The following ANKRD13B variants were observed in gnomAD, a reference collection of about 807,000 sequenced individuals.
The protein encoded by ANKRD13B is ankyrin repeat domain-containing protein 13B.
A neutral mutation model predicts 74.4 loss-of-function variants in ANKRD13B; 33 were observed. That is an observed-to-expected ratio of 0.44 (90% CI 0.34 to 0.59). The LOEUF is 0.59. Among genes scored for constraint, ANKRD13B ranks in the 20% least tolerant of loss-of-function variants. ANKRD13B has a pLI of 0.02. For synonymous variants in ANKRD13B, 341 were observed against 362.9 expected, an observed-to-expected ratio of 0.94 and a Z score of 0.68; for missense variants, 676 against 877.9, an observed-to-expected ratio of 0.77 and a Z score of 2.91.
At chr17:29,597,979 AGCTGCAGCGGCTGCG>A (rs894475577) in intron 1 of ANKRD13B, among the ~76,000 whole-genome samples, 9 of 151,938 alleles carry the variant, frequency 5.9e-5, no homozygotes, top group Non-Finnish European at 7.4e-5. Flanking sequence ...GGGTCTTATT[AGCTGCAGCGGCTGCG>A]GCTGCAGCAT....
At position 29,612,309 on chromosome 17, in the gene ANKRD13B, C is replaced by T. The variant is rs1004958523; in HGVS notation, c.1258+36C>T. 14 of 1,612,136 alleles carry T rather than the reference C, an allele frequency of 8.7e-6. No individual in the cohort carries two copies. Among genetic ancestry groups the T allele is most frequent in the Non-Finnish European group, 1.1e-5 (13 of 1,178,718 alleles). The stretch of plus-strand genomic sequence containing the variant: ...ACGGCCATTTCTCCTGAGCCCGTGG[C>T]GGGCCGACCGGGGTTTAGATGAGGT... On this transcript the variant is annotated intron_variant, in intron 11 of 14. Coordinates refer to ENST00000394859, the MANE Select transcript of ANKRD13B (RefSeq NM_152345.5). The surrounding 1 kb of genome is among the most constrained non-coding windows in gnomAD (Gnocchi z 6.1).
Position 29,608,768 on chromosome 17 carries a change from G to T in ANKRD13B, c.422-83G>T. 6.4e-7 allele frequency: 1 copy of T among 1,560,674 alleles called. No homozygotes were observed. On this transcript the variant is annotated intron_variant, in intron 4 of 14. Coordinates refer to ENST00000394859, the MANE Select transcript of ANKRD13B (RefSeq NM_152345.5). The surrounding 1 kb of genome is among the most constrained non-coding windows in gnomAD (Gnocchi z 6.4). ...TCCCTCCCCTGTTCCTGGCCACACG[G>T]ATCCCAAACCCCATGCCCTGAGCTG...
At position 29,612,741 on chromosome 17, in the gene ANKRD13B, C is replaced by G; in HGVS notation, c.1501C>G (p.Arg501Gly). The part of the protein sequence containing the change: ...MMGGQREAAT[R>G]DDDDDLLQFA... ...GGGCGGCCAGCGGGAGGCGGCGACCCGGGACGACGACGACGACCTGCTGCA... is the reference window on the plus strand; with the variant it reads ...GGGCGGCCAGCGGGAGGCGGCGACCGGGGACGACGACGACGACCTGCTGCA... Residue 501 changes from arginine to glycine, a missense_variant, in exon 13 of 15, where the codon CGG (arginine) becomes GGG (glycine). This residue lies in a region of ANKRD13B where 152 missense variants were observed against 181.4 expected (regional missense o/e 0.84). Coordinates refer to ENST00000394859, the MANE Select transcript of ANKRD13B (RefSeq NM_152345.5). The surrounding 1 kb of genome is among the most constrained non-coding windows in gnomAD (Gnocchi z 6.1). 6.2e-7 allele frequency: 1 copy of G among 1,601,832 alleles called. No individual in the cohort carries two copies. Among genetic ancestry groups the G allele is most frequent in the Non-Finnish European group, 8.5e-7 (1 of 1,178,764 alleles).
chr17:29,612,752 C>G lies in ANKRD13B; in HGVS notation c.1512C>G (p.Asp504Glu). The part of the protein sequence containing the change: ...GQREAATRDD[D>E]DDLLQFAIQQ... Reference sequence around the variant, plus strand: ...GGGAGGCGGCGACCCGGGACGACGACGACGACCTGCTGCAATTCGCCATCC... The same window carrying G: ...GGGAGGCGGCGACCCGGGACGACGAGGACGACCTGCTGCAATTCGCCATCC... The change falls in exon 13 of 15, where the codon GAC (aspartate) becomes GAG (glutamate). Residue 504 changes from aspartate (D) to glutamate (E), a missense_variant. Around this residue, in one of 4 missense-constraint regions of ANKRD13B, gnomAD observed 152 missense variants for 181.4 expected, o/e 0.84. Transcript: ENST00000394859. The surrounding 1 kb of genome is among the most constrained non-coding windows in gnomAD (Gnocchi z 6.1). 1 of 1,602,452 alleles carries G rather than the reference C, an allele frequency of 6.2e-7. No individual in the cohort carries two copies. The highest frequency in any genetic ancestry group is 8.5e-7 in the Non-Finnish European group (1 of 1,178,914).
chr17:29,600,387 C>T (rs979452284), intron 1 of ANKRD13B, among the ~76,000 whole-genome samples: 5 of 152,254 alleles, frequency 3.3e-5, no homozygotes, highest in Non-Finnish European at 7.4e-5. Flanking sequence ...GGGACAACTT[C>T]CTACTCGGGT....
chr17:29,599,865 GTTTTTT>G (rs35600194), intron 1 of ANKRD13B, among the ~76,000 whole-genome samples: 5 of 50,768 alleles, frequency 9.8e-5, no homozygotes, highest in African/African-American at 2.9e-4. Flanking sequence ...CATCTAATTT[GTTTTTT>G]TTTTTTTTTT....
chr17:29,608,605 A>C lies in ANKRD13B; in HGVS notation c.422-246A>C. On this transcript the variant is annotated intron_variant, in intron 4 of 14. Transcript: ENST00000394859. This position sits in a 1 kb window ranked among gnomAD's most constrained non-coding sequence, Gnocchi z 6.4. Reference sequence around the variant, plus strand: ...GAATGGATGAAAGAGTGAGTGAGTGAATTAACAAATGATGGACACTAGGGA... The same window carrying C: ...GAATGGATGAAAGAGTGAGTGAGTGCATTAACAAATGATGGACACTAGGGA... 1.7e-6 allele frequency: 1 copy of C among 585,420 alleles called. No homozygotes were observed. Among genetic ancestry groups the C allele is most frequent in the Non-Finnish European group, 3.0e-6 (1 of 334,002 alleles). The allele number at this position is 585,420 out of a possible 1,614,324, so 36.3% of individuals were successfully genotyped here. A position where few individuals can be genotyped will look rare whatever the true frequency, so the allele number is the denominator to read the frequency against.
chr17:29,613,284 C>T (rs1260502675), intron 14 of ANKRD13B, 70 bp from the exon 15 acceptor site: 11 of 1,387,270 alleles, frequency 7.9e-6, no homozygotes, highest in Non-Finnish European at 1.0e-5. Context: ...GGAGCCTCCA[C>T]GCCGTGTCCC....
intron 1 of ANKRD13B, among the ~76,000 whole-genome samples, chr17:29,603,946 C>T (rs1598606087): frequency 6.7e-6 from 1 of 149,116 alleles, no homozygotes; most frequent in East Asian, 2.0e-4. Context: ...GGCGCCATCT[C>T]GGCTCACTGC....
Position 29,599,879 on chromosome 17 carries a change from T to G in ANKRD13B, c.114+6144T>G, listed in dbSNP as rs923330300. Among the ~76,000 whole-genome samples, 23 of 122,162 alleles carry G rather than the reference T, an allele frequency of 1.9e-4. No homozygotes were observed. In the East Asian group the frequency reaches 3.4e-3, roughly 18 times the overall value. 80.1% of individuals were successfully genotyped at this position (122,162 alleles called of 152,430 possible). A position where few individuals can be genotyped will look rare whatever the true frequency, so the allele number is the denominator to read the frequency against. On this transcript the variant is annotated intron_variant, in intron 1 of 14. Transcript: ENST00000394859. Reference sequence around the variant, plus strand: ...GCATCTAATTTGTTTTTTTTTTTTTTTTTTTTTTTTTTTTTGATACGGAGT... The same window carrying G: ...GCATCTAATTTGTTTTTTTTTTTTTGTTTTTTTTTTTTTTTGATACGGAGT...
intron 1 of ANKRD13B, among the ~76,000 whole-genome samples, chr17:29,607,052 CA>C (rs201249702): frequency 1.9e-4 from 28 of 149,878 alleles, no homozygotes; most frequent in Non-Finnish European, 3.7e-4. Flanking sequence ...TCCGTCCCCC[CA>C]AAAAAAACAC....
intron 1 of ANKRD13B, among the ~76,000 whole-genome samples, chr17:29,597,399 T>C (rs1257786126): frequency 2.6e-5 from 4 of 151,838 alleles, no homozygotes; most frequent in African/African-American, 9.7e-5. Flanking sequence ...AGCGTACGAG[T>C]GTGTATCTGT....
At chr17:29,603,200 G>T (rs2034244299) in intron 1 of ANKRD13B, among the ~76,000 whole-genome samples, 1 of 152,060 alleles carries the variant, frequency 6.6e-6, no homozygotes, top group African/African-American at 2.4e-5. Flanking sequence ...TGTCCTTTGG[G>T]ATTCCAATAG....
At chr17:29,598,280 TATAA>T in intron 1 of ANKRD13B, among the ~76,000 whole-genome samples, 1 of 152,318 alleles carries the variant, frequency 6.6e-6, no homozygotes. Context: ...ATAAAAATTA[TATAA>T]ATAATCTTAA....
Position 29,611,547 on chromosome 17 carries a change from C to T in ANKRD13B, c.905-32C>T, listed in dbSNP as rs750448867. On this transcript the variant is annotated intron_variant, in intron 8 of 14. Transcript: ENST00000394859. This position sits in a 1 kb window ranked among gnomAD's most constrained non-coding sequence, Gnocchi z 4.3. ...AGGTGCCCAGGTGTGTGTGGAGTTG[C>T]GGTGTCCTCTGAGATGCCACATTTC... is the stretch of plus-strand genomic sequence containing the variant. 6 of 1,607,976 alleles carry T rather than the reference C, an allele frequency of 3.7e-6. No homozygotes were observed. The highest frequency in any genetic ancestry group is 2.2e-5 in the East Asian group (1 of 44,836).
intron 1 of ANKRD13B, among the ~76,000 whole-genome samples, chr17:29,605,393 A>AAT (rs899317218): frequency 2.7e-4 from 41 of 150,026 alleles, no homozygotes; most frequent in East Asian, 1.4e-3. Context: ...TATATAGAGA[A>AAT]ATATATATAT....
intron 14 of ANKRD13B, 158 bp from the exon 15 acceptor site, chr17:29,613,196 T>A: frequency 7.9e-7 from 1 of 1,268,912 alleles, no homozygotes; most frequent in Non-Finnish European, 1.1e-6. Context: ...GGGTCTGGGC[T>A]CCGCCACGAC....
At chr17:29,607,072 AC>A (rs370135938) in intron 1 of ANKRD13B, among the ~76,000 whole-genome samples, 1 of 151,664 alleles carries the variant, frequency 6.6e-6, no homozygotes, top group African/African-American at 2.4e-5. Context: ...ACAAAAAAAA[AC>A]CCCAAAAAAA....
Position 29,609,217 on chromosome 17 carries a change from C to T in ANKRD13B, c.697C>T (p.Arg233Trp). 1.9e-6 allele frequency: 3 copies of T among 1,612,980 alleles called. No homozygotes were observed. Among genetic ancestry groups the T allele is most frequent in the South Asian group, 1.1e-5 (1 of 91,078 alleles). ...AQPTEEQVLS[R>W]LTAPVVTTQL... ...GCCCACTGAGGAACAGGTGCTGAGC[C>T]GGCTTACCGCGCCCGTCGTCACCAC... is the stretch of plus-strand genomic sequence containing the variant. Residue 233 changes from arginine (R) to tryptophan (W), a missense_variant, in exon 6 of 15, where the codon CGG becomes TGG. Coordinates refer to ENST00000394859, the MANE Select transcript of ANKRD13B (RefSeq NM_152345.5). This position sits in a 1 kb window ranked among gnomAD's most constrained non-coding sequence, Gnocchi z 4.0.
Sources: gnomAD v4.1 joint callset for allele counts (sites outside exome capture counted in the v4.1 genomes callset) on GRCh38, gnomAD v4.1.1 for gene constraint, gnomAD v4.1.1 regional missense constraint, Gnocchi (gnomAD v3.1) non-coding constraint, MANE v1.5 for transcripts, NCBI Gene and HGNC (gene_info 2026-07-23, HGNC 2026-07-21) for gene names.